The following THRB variants were observed in gnomAD, a reference collection of about 807,000 sequenced individuals.
THRB encodes thyroid hormone receptor beta, also known as nuclear receptor subfamily 1 group A member 2.
Under a neutral mutation model 47.8 loss-of-function variants are expected in THRB, and 12 were observed. That is an observed-to-expected ratio of 0.25 (90% CI 0.16 to 0.41). THRB has a LOEUF of 0.41. Among genes scored for constraint, THRB ranks in the 10% least tolerant of loss-of-function variants. The pLI, the probability that THRB is intolerant of heterozygous loss-of-function variation, is 1.00. For synonymous variants in THRB, 218 were observed against 212.2 expected (o/e 1.03, Z -0.24); for missense variants, 348 against 589.2 (o/e 0.59, Z 4.24).
intron 4 of THRB, among the ~76,000 whole-genome samples, chr3:24,220,992 T>C: frequency 6.6e-6 from 1 of 152,176 alleles, no homozygotes; most frequent in Non-Finnish European, 1.5e-5. Context: ...TCAGTTCAGT[T>C]ACAGAACCAA....
At chr3:24,334,386 T>TA (rs954112981) in intron 2 of THRB, among the ~76,000 whole-genome samples, 6 of 152,074 alleles carry the variant, frequency 3.9e-5, no homozygotes, top group Non-Finnish European at 7.4e-5. Flanking sequence ...AGCAAAGGAT[T>TA]AAAAAAAATT....
At chr3:24,287,413 C>A (rs554071175) in intron 3 of THRB, among the ~76,000 whole-genome samples, 31 of 152,252 alleles carry the variant, frequency 2.0e-4, no homozygotes, top group African/African-American at 7.5e-4. Context: ...AACTTTCATT[C>A]ATTTTATGAG....
chr3:24,184,375 T>C (rs897239565), intron 5 of THRB, among the ~76,000 whole-genome samples: 23 of 152,210 alleles, frequency 1.5e-4, no homozygotes, highest in Non-Finnish European at 3.1e-4. Flanking sequence ...CTGCATCCTT[T>C]GGCGTGACAG....
At chr3:24,455,163 T>A (rs1000643600) in intron 1 of THRB, 1 of 145,642 alleles carries the variant, frequency 6.9e-6, no homozygotes, top group Non-Finnish European at 1.5e-5. Flanking sequence ...GAAGTTTACA[T>A]TGGAGTCTCT....
chr3:24,359,255 T>C (rs1407798121), intron 1 of THRB, among the ~76,000 whole-genome samples: 1 of 152,146 alleles, frequency 6.6e-6, no homozygotes, highest in Non-Finnish European at 1.5e-5. Context: ...GCATGACACC[T>C]GGGCAAGGAT....
chr3:24,398,894 A>G (rs1364146504), intron 1 of THRB, among the ~76,000 whole-genome samples: 1 of 152,178 alleles, frequency 6.6e-6, no homozygotes, highest in Non-Finnish European at 1.5e-5. Flanking sequence ...AATACTATGC[A>G]GCCATAAAAA....
intron 1 of THRB, among the ~76,000 whole-genome samples, chr3:24,468,023 C>T (rs1410493651): frequency 6.6e-6 from 1 of 152,194 alleles, no homozygotes; most frequent in Admixed American, 6.5e-5. Context: ...ATTATCTTAG[C>T]TACATCTTCT....
At chr3:24,474,771 A>C (rs1695199747) in intron 1 of THRB, among the ~76,000 whole-genome samples, 1 of 152,180 alleles carries the variant, frequency 6.6e-6, no homozygotes, top group Non-Finnish European at 1.5e-5. Flanking sequence ...ATGGAACTGG[A>C]AGTACAGGGA....
At chr3:24,482,347 A>G (rs997381984) in intron 1 of THRB, among the ~76,000 whole-genome samples, 5 of 152,214 alleles carry the variant, frequency 3.3e-5, no homozygotes, top group South Asian at 2.1e-4. Flanking sequence ...TCCCTTGCAC[A>G]GATAGAGTGA....
intron 2 of THRB, among the ~76,000 whole-genome samples, chr3:24,332,329 G>T (rs942359916): frequency 6.6e-6 from 1 of 152,160 alleles, no homozygotes; most frequent in African/African-American, 2.4e-5. Flanking sequence ...AGGTATCTGA[G>T]TCCCTGCTGA....
At chr3:24,351,579 TG>T (rs1195363597) in intron 1 of THRB, among the ~76,000 whole-genome samples, 1 of 152,196 alleles carries the variant, frequency 6.6e-6, no homozygotes, top group African/African-American at 2.4e-5. Context: ...TCTCACCTTT[TG>T]TTCTTATTTA....
intron 1 of THRB, among the ~76,000 whole-genome samples, chr3:24,368,695 ACTGCTGATGCTTAC>A (rs2064674836): frequency 6.6e-6 from 1 of 152,204 alleles, no homozygotes; most frequent in Non-Finnish European, 1.5e-5. Flanking sequence ...GAATCAACAC[ACTGCTGATGCTTAC>A]CTTGATGATT....
rs546498439 is a variant in THRB, at chr3:24,346,964, A to G, written c.-260-9593T>C. Among the ~76,000 whole-genome samples the G allele has an allele frequency of 4.6e-5, 7 of 152,232 alleles. No individual in the cohort carries two copies. In the South Asian group the frequency reaches 1.5e-3, roughly 32 times the overall value. On this transcript the variant is annotated intron_variant, in intron 1 of 10. Coordinates refer to ENST00000646209, the MANE Select transcript of THRB (RefSeq NM_001354712.2). ...ACATTACAGCCAACAATTACAGAAT[A>G]CACATTGAACATTTACCAAAATTTA...
chr3:24,263,023 T>C (rs866134400), intron 3 of THRB, among the ~76,000 whole-genome samples: 2 of 152,224 alleles, frequency 1.3e-5, no homozygotes, highest in Admixed American at 6.5e-5. Context: ...GGGCCCAGCA[T>C]TGAAAGACAA....
At chr3:24,279,770 C>T (rs1230952007) in intron 3 of THRB, among the ~76,000 whole-genome samples, 2 of 152,070 alleles carry the variant, frequency 1.3e-5, no homozygotes, top group Non-Finnish European at 2.9e-5. Context: ...CCTTGTAAGA[C>T]AGTAATTATA....
chr3:24,487,501 T>C (rs1381532904), intron 1 of THRB, among the ~76,000 whole-genome samples: 1 of 151,976 alleles, frequency 6.6e-6, no homozygotes, highest in Non-Finnish European at 1.5e-5. Flanking sequence ...CCAAACATAA[T>C]TGAGCCTAGA....
intron 1 of THRB, among the ~76,000 whole-genome samples, chr3:24,410,082 A>G (rs906726643): frequency 6.6e-6 from 1 of 151,892 alleles, no homozygotes; most frequent in African/African-American, 2.4e-5. Flanking sequence ...ATTCATTACC[A>G]GAATATACTA....
chr3:24,271,123 G>A (rs951393806), intron 3 of THRB, among the ~76,000 whole-genome samples: 7 of 152,268 alleles, frequency 4.6e-5, no homozygotes, highest in African/African-American at 1.7e-4. Context: ...GGATAGAAAG[G>A]CAGTAAAAAA....
chr3:24,300,219 A>G (rs993931651), intron 2 of THRB, among the ~76,000 whole-genome samples: 3 of 152,164 alleles, frequency 2.0e-5, no homozygotes, highest in Non-Finnish European at 2.9e-5. Context: ...TACACCAGGA[A>G]TTAAGGACAA....
Sources: allele counts gnomAD v4.1 joint callset (sites outside exome capture counted in the v4.1 genomes callset), GRCh38; gene constraint gnomAD v4.1.1; transcripts MANE v1.5; gene names NCBI Gene and HGNC (gene_info 2026-07-23, HGNC 2026-07-21).